The following TUSC3 variants were observed in gnomAD, a reference collection of about 807,000 sequenced individuals.
TUSC3 encodes the protein dolichyl-diphosphooligosaccharide--protein glycosyltransferase subunit TUSC3.
In TUSC3, 45 loss-of-function variants were observed where a neutral mutation model predicts 44.8. That is an observed-to-expected ratio of 1.00 (90% CI 0.79 to 1.29). The LOEUF is 1.29. TUSC3 is among the 50% of genes most tolerant of loss of function. TUSC3 has a pLI of 0.00. For synonymous variants in TUSC3, 212 were observed against 152.9 expected (o/e 1.39, Z -2.85); for missense variants, 519 against 437.9 (o/e 1.19, Z -1.65).
chr8:15,526,199 A>AT (rs1170537884), intron 2 of TUSC3, among the ~76,000 whole-genome samples: 1 of 151,870 alleles, frequency 6.6e-6, no homozygotes, highest in Non-Finnish European at 1.5e-5. Flanking sequence ...CGGCCGGCTA[A>AT]TTTTTTGTAT....
chr8:15,424,623 G>A (rs914267265), intron 1 of TUSC3, among the ~76,000 whole-genome samples: 3 of 152,186 alleles, frequency 2.0e-5, no homozygotes, highest in Admixed American at 6.5e-5. Flanking sequence ...GCTTACGCCT[G>A]TAATCCCAGC....
Position 15,673,635 on chromosome 8 carries a change from A to G in TUSC3, c.709-112A>G, listed in dbSNP as rs531781454. Reference sequence around the variant, plus strand: ...TAAGTGAAATTTTTTAAAATGTGTGAGCTGATACATGATTTTTAAAAGATA... The same window carrying G: ...TAAGTGAAATTTTTTAAAATGTGTGGGCTGATACATGATTTTTAAAAGATA... On this transcript the variant is annotated intron_variant, in intron 5 of 10. Transcript: ENST00000503731. 467 of 901,120 alleles carry G rather than the reference A, an allele frequency of 5.2e-4. 2 individuals are homozygous for G. The highest frequency in any genetic ancestry group is 1.3e-3 in the South Asian group (97 of 72,238). 55.8% of individuals were successfully genotyped at this position (901,120 alleles called of 1,614,324 possible).
At chr8:15,659,706 AT>A in intron 4 of TUSC3, 59 bp downstream of exon 4, 13 of 1,597,406 alleles carry the variant, frequency 8.1e-6, no homozygotes, top group Non-Finnish European at 1.0e-5. Flanking sequence ...TTTATGGAGC[AT>A]TTTAATAAGG....
At chr8:15,793,561 ACT>A in the TUSC3 span, among the ~76,000 whole-genome samples, 1 of 151,134 alleles carries the variant, frequency 6.6e-6, no homozygotes, top group Non-Finnish European at 1.5e-5. Flanking sequence ...TCTGCCATTC[ACT>A]CTCTCTCTTG....
At chr8:15,791,269 G>GCC in the TUSC3 span, among the ~76,000 whole-genome samples, 442 of 139,238 alleles carry the variant, frequency 3.2e-3, 3 homozygotes, top group African/African-American at 0.011. Flanking sequence ...GCCTCTTAGC[G>GCC]CCCCCCCCAA....
chr8:15,791,827 C>G, the TUSC3 span, among the ~76,000 whole-genome samples: 1 of 152,152 alleles, frequency 6.6e-6, no homozygotes, highest in African/African-American at 2.4e-5. Flanking sequence ...AGTACACGCT[C>G]TTTCACCACT....
At chr8:15,798,177 G>A in the TUSC3 span, among the ~76,000 whole-genome samples, 122,922 of 152,178 alleles carry the variant, frequency 0.81, 50,929 homozygotes, top group East Asian at 0.97. Flanking sequence ...TAACACATCA[G>A]TGTCTACCGT....
chr8:15,457,922 T>C (rs1426676436), intron 1 of TUSC3, among the ~76,000 whole-genome samples: 1 of 150,376 alleles, frequency 6.6e-6, no homozygotes, highest in Non-Finnish European at 1.5e-5. Context: ...GAATAATAAT[T>C]AGTACTCCAA....
chr8:15,530,651 T>A (rs1801437194), intron 2 of TUSC3, among the ~76,000 whole-genome samples: 2 of 152,176 alleles, frequency 1.3e-5, no homozygotes, highest in Non-Finnish European at 2.9e-5. Flanking sequence ...ATAGTTCCTC[T>A]ATTCAAAGTG....
chr8:15,540,862 G>A (rs529429223), intron 1 of TUSC3, among the ~76,000 whole-genome samples: 1 of 152,210 alleles, frequency 6.6e-6, no homozygotes, highest in Non-Finnish European at 1.5e-5. Context: ...TTAGAGCAAT[G>A]GTGCCACTAA....
At chr8:15,528,636 T>A (rs959530736) in intron 2 of TUSC3, among the ~76,000 whole-genome samples, 2 of 152,234 alleles carry the variant, frequency 1.3e-5, no homozygotes, top group South Asian at 4.1e-4. Flanking sequence ...AGTGTTTTCC[T>A]GGCTTCTGTA....
intron 2 of TUSC3, among the ~76,000 whole-genome samples, chr8:15,634,495 C>G (rs991859570): frequency 3.3e-5 from 5 of 152,152 alleles, no homozygotes; most frequent in Admixed American, 3.3e-4. Flanking sequence ...TGATATTTTG[C>G]ATGAAAGCTG....
chr8:15,703,206 CAG>C (rs1167090173), intron 6 of TUSC3, among the ~76,000 whole-genome samples: 2 of 152,066 alleles, frequency 1.3e-5, no homozygotes, highest in African/African-American at 2.4e-5. Flanking sequence ...GAGAAAGTAT[CAG>C]GGGACATTAG....
chr8:15,710,250 T>C (rs995828857), intron 6 of TUSC3, among the ~76,000 whole-genome samples: 7 of 151,986 alleles, frequency 4.6e-5, no homozygotes, highest in Middle Eastern at 3.2e-3. Flanking sequence ...CTTTATTTGC[T>C]ACCACTTATG....
At chr8:15,434,691 C>T (rs1799922831) in intron 1 of TUSC3, among the ~76,000 whole-genome samples, 1 of 151,896 alleles carries the variant, frequency 6.6e-6, no homozygotes. Flanking sequence ...ACGACTTCCC[C>T]CACCCCACAA....
chr8:15,628,593 T>C (rs1258490993), intron 2 of TUSC3, among the ~76,000 whole-genome samples: 1 of 152,142 alleles, frequency 6.6e-6, no homozygotes, highest in African/African-American at 2.4e-5. Flanking sequence ...TTAAAATCTA[T>C]TGTGCAAAGC....
At chr8:15,833,411 A>G in the TUSC3 span, among the ~76,000 whole-genome samples, 7 of 152,188 alleles carry the variant, frequency 4.6e-5, no homozygotes, top group African/African-American at 1.7e-4. Flanking sequence ...ATACACACAT[A>G]CGTTTATTCC....
chr8:15,732,519 G>A (rs377161274), intron 7 of TUSC3, among the ~76,000 whole-genome samples: 5 of 151,922 alleles, frequency 3.3e-5, no homozygotes, highest in African/African-American at 7.2e-5. Context: ...TATTAGCAGC[G>A]TGAGAACAAA....
At chr8:15,584,463 A>G (rs1803511244) in intron 1 of TUSC3, among the ~76,000 whole-genome samples, 1 of 152,232 alleles carries the variant, frequency 6.6e-6, no homozygotes, top group Non-Finnish European at 1.5e-5. Flanking sequence ...AGGGGAATCT[A>G]AAGGTAAAGA....
Sources: gnomAD v4.1 joint callset for allele counts (sites outside exome capture counted in the v4.1 genomes callset) on GRCh38, gnomAD v4.1.1 for gene constraint, MANE v1.5 for transcripts, NCBI Gene and HGNC (gene_info 2026-07-23, HGNC 2026-07-21) for gene names.